The following ROR2 variants were observed in gnomAD, a reference collection of about 807,000 sequenced individuals.
ROR2 encodes tyrosine-protein kinase transmembrane receptor ROR2.
Under a neutral mutation model 74.9 loss-of-function variants are expected in ROR2, and 33 were observed. The observed-to-expected ratio is 0.44, with a 90% CI of 0.33 to 0.59. The LOEUF (loss-of-function observed/expected upper bound fraction) is 0.59, where lower values mean the gene tolerates loss of function less well. ROR2 is among the 20% of genes least tolerant of loss of function. The probability of loss-of-function intolerance (pLI) is 0.02; values close to 1 mark genes in which losing one functional copy is unlikely to be tolerated. For missense variants in ROR2, 1,216 were observed against 1,313.8 expected (o/e 0.93, Z 1.15); for synonymous variants, 586 against 558.7 (o/e 1.05, Z -0.69).
chr9:91,833,117 G>T (rs1305137111), intron 1 of ROR2, among the ~76,000 whole-genome samples: 1 of 152,198 alleles, frequency 6.6e-6, no homozygotes, highest in Non-Finnish European at 1.5e-5. Context: ...ACACCCAGGT[G>T]TTCTCTGCCG....
At chr9:91,784,079 A>T (rs1826714907) in intron 1 of ROR2, among the ~76,000 whole-genome samples, 2 of 152,056 alleles carry the variant, frequency 1.3e-5, no homozygotes, top group South Asian at 4.1e-4. Flanking sequence ...CTCCACTTGC[A>T]TGTCCAGGAG....
intron 1 of ROR2, among the ~76,000 whole-genome samples, chr9:91,911,756 T>C (rs1002299172): frequency 4.6e-5 from 7 of 152,066 alleles, no homozygotes; most frequent in Admixed American, 1.3e-4. Context: ...AGATACATAC[T>C]AGTTAAGACA....
intron 2 of ROR2, among the ~76,000 whole-genome samples, chr9:91,775,505 T>C (rs1461455966): frequency 6.6e-6 from 1 of 152,094 alleles, no homozygotes; most frequent in African/African-American, 2.4e-5. Flanking sequence ...CAGGCCGCCA[T>C]CTGTCCACCC....
chr9:91,758,306 C>A (rs1825821535), intron 2 of ROR2, among the ~76,000 whole-genome samples: 1 of 152,206 alleles, frequency 6.6e-6, no homozygotes, highest in Non-Finnish European at 1.5e-5. Flanking sequence ...TGATGAGGAT[C>A]AACTGTGCTT....
chr9:91,906,019 C>A (rs202094151), intron 1 of ROR2, among the ~76,000 whole-genome samples: 147 of 147,656 alleles, frequency 1.0e-3, no homozygotes, highest in African/African-American at 3.5e-3. Flanking sequence ...AAAAAAAAAA[C>A]CACACACACA....
At chr9:91,893,758 T>C (rs967812976) in intron 1 of ROR2, among the ~76,000 whole-genome samples, 3 of 152,080 alleles carry the variant, frequency 2.0e-5, no homozygotes, top group African/African-American at 7.2e-5. Flanking sequence ...CAATACTCCA[T>C]ACCACCCATC....
intron 1 of ROR2, among the ~76,000 whole-genome samples, chr9:91,855,425 G>GC (rs1393173149): frequency 2.0e-5 from 3 of 152,234 alleles, no homozygotes; most frequent in African/African-American, 7.2e-5. Context: ...CTGGCCCTAG[G>GC]CGAGGTCGGG....
chr9:91,940,907 G>T (rs918926501), intron 1 of ROR2, among the ~76,000 whole-genome samples: 1 of 149,848 alleles, frequency 6.7e-6, no homozygotes, highest in Non-Finnish European at 1.5e-5. Flanking sequence ...GCCGGGCCTT[G>T]AGTCTTTCTT....
At chr9:91,903,067 C>A (rs1830715112) in intron 1 of ROR2, among the ~76,000 whole-genome samples, 1 of 151,858 alleles carries the variant, frequency 6.6e-6, no homozygotes, top group Non-Finnish European at 1.5e-5. Context: ...TTTAATGCCA[C>A]CAAACAATAC....
intron 1 of ROR2, among the ~76,000 whole-genome samples, chr9:91,810,646 G>A (rs144433526): frequency 5.9e-5 from 9 of 152,268 alleles, no homozygotes; most frequent in South Asian, 4.1e-4. Context: ...ACGCCTGTCC[G>A]GTCACTCTCG....
At position 91,793,826 on chromosome 9, in the gene ROR2, A is replaced by G. The variant is rs1054267278; in HGVS notation, c.98-18008T>C. On this transcript the variant is annotated intron_variant, in intron 1 of 8. Transcript: ENST00000375708. The stretch of plus-strand genomic sequence containing the variant: ...AAAATTGCAATAGCTAATAAATATG[A>G]AAAGATTCAAAACTACAGTGCTAAT... 5.9e-5 allele frequency among the ~76,000 whole-genome samples: 9 copies of G among 152,210 alleles called. No individual in the cohort carries two copies. The East Asian group carries it at 1.3e-3, about 23-fold the overall frequency.
chr9:91,891,555 T>C (rs1377936890), intron 1 of ROR2, among the ~76,000 whole-genome samples: 1 of 152,130 alleles, frequency 6.6e-6, no homozygotes, highest in Non-Finnish European at 1.5e-5. Flanking sequence ...AGGCGTGAGC[T>C]ACCGCACCCG....
intron 1 of ROR2, among the ~76,000 whole-genome samples, chr9:91,793,560 A>G (rs1827071427): frequency 6.6e-6 from 1 of 152,118 alleles, no homozygotes; most frequent in South Asian, 2.1e-4. Context: ...CAGGAGTCCA[A>G]GGCCAGCCTG....
chr9:91,786,655 A>G (rs1047819212), intron 1 of ROR2, among the ~76,000 whole-genome samples: 1 of 152,202 alleles, frequency 6.6e-6, no homozygotes, highest in Admixed American at 6.5e-5. Context: ...TACTGGCCCC[A>G]TAACAGAGTC....
intron 2 of ROR2, among the ~76,000 whole-genome samples, chr9:91,759,087 G>A (rs888458992): frequency 1.3e-5 from 2 of 152,214 alleles, no homozygotes; most frequent in Non-Finnish European, 2.9e-5. Flanking sequence ...TTCAAGTGAA[G>A]TTGAAAGATG....
At chr9:91,926,822 T>A (rs181302250) in intron 1 of ROR2, among the ~76,000 whole-genome samples, 4 of 151,968 alleles carry the variant, frequency 2.6e-5, no homozygotes, top group Admixed American at 1.3e-4. Flanking sequence ...AGAATTGGGG[T>A]TGCCAGGAAC....
At chr9:91,849,851 G>T (rs1159421411) in intron 1 of ROR2, among the ~76,000 whole-genome samples, 1 of 152,178 alleles carries the variant, frequency 6.6e-6, no homozygotes, top group Non-Finnish European at 1.5e-5. Context: ...GGCCTAAATA[G>T]CATCACTATC....
chr9:91,867,696 G>T (rs1033993492), intron 1 of ROR2, among the ~76,000 whole-genome samples: 3 of 147,092 alleles, frequency 2.0e-5, no homozygotes, highest in Non-Finnish European at 4.5e-5. Context: ...GTGTGTGTGT[G>T]TGTGTATCTG....
At chr9:91,925,866 G>A (rs547941719) in intron 1 of ROR2, among the ~76,000 whole-genome samples, 18 of 152,180 alleles carry the variant, frequency 1.2e-4, no homozygotes, top group Admixed American at 2.6e-4. Flanking sequence ...CTCAGAGATG[G>A]GGTTTCCTCC....
Sources: allele counts gnomAD v4.1 joint callset (sites outside exome capture counted in the v4.1 genomes callset), GRCh38; gene constraint gnomAD v4.1.1; transcripts MANE v1.5; gene names NCBI Gene and HGNC (gene_info 2026-07-23, HGNC 2026-07-21).